PTPRN2: variants seen among roughly 807,000 people sequenced by gnomAD.
PTPRN2 encodes the protein receptor-type tyrosine-protein phosphatase N2.
A neutral mutation model predicts 118.8 loss-of-function variants in PTPRN2; 74 were observed. That is an observed-to-expected ratio of 0.62 (90% CI 0.52 to 0.76). PTPRN2 has a LOEUF of 0.76. Among genes scored for constraint, PTPRN2 ranks in the 30% least tolerant of loss-of-function variants. The pLI, the probability that PTPRN2 is intolerant of heterozygous loss-of-function variation, is 0.00. For missense variants in PTPRN2, 1,481 were observed against 1,394.4 expected, an observed-to-expected ratio of 1.06 and a Z score of -0.99; for synonymous variants, 641 against 608.0, an observed-to-expected ratio of 1.05 and a Z score of -0.80.
Position 157,632,948 on chromosome 7 carries a change from C to T in PTPRN2, c.2197-11439G>A, listed in dbSNP as rs917211099. Among the ~76,000 whole-genome samples the T allele has an allele frequency of 6.6e-6, 1 of 152,082 alleles. No individual in the cohort carries two copies. The highest frequency in any genetic ancestry group is 2.4e-5 in the African/African-American group (1 of 41,390). On this transcript the variant is annotated intron_variant, in intron 14 of 22. Coordinates refer to ENST00000389418, the MANE Select transcript of PTPRN2 (RefSeq NM_002847.5). The surrounding 1 kb of genome is among the most constrained non-coding windows in gnomAD (Gnocchi z 4.3). Reference sequence around the variant, plus strand: ...GTGAATGCCTCATCTGGTTTTGGGACAGAGGGCTAAGAGCTGCTGTCATTT... The same window carrying T: ...GTGAATGCCTCATCTGGTTTTGGGATAGAGGGCTAAGAGCTGCTGTCATTT...
At chr7:158,070,939 T>C (rs1267745596) in intron 11 of PTPRN2, among the ~76,000 whole-genome samples, 6 of 120,032 alleles carry the variant, frequency 5.0e-5, no homozygotes, top group South Asian at 6.0e-4. Context: ...CTCCTGGTGG[T>C]GGAGGTGCCC....
At chr7:157,567,284 A>G (rs1398224884) in intron 21 of PTPRN2, among the ~76,000 whole-genome samples, 3 of 152,226 alleles carry the variant, frequency 2.0e-5, no homozygotes, top group Non-Finnish European at 4.4e-5. Context: ...GAGTGTTTGC[A>G]TTTTGTTTTT....
intron 12 of PTPRN2, among the ~76,000 whole-genome samples, chr7:157,730,784 G>A (rs1041128686): frequency 2.6e-5 from 4 of 152,150 alleles, no homozygotes; most frequent in African/African-American, 9.7e-5. Context: ...TGTGGCCCCG[G>A]GGCTGCTCCC....
At chr7:158,550,524 C>T (rs1243817574) in intron 1 of PTPRN2, among the ~76,000 whole-genome samples, 2 of 152,196 alleles carry the variant, frequency 1.3e-5, no homozygotes, top group African/African-American at 2.4e-5. Flanking sequence ...TCATGGCTGG[C>T]GTGGCCACCC....
intron 12 of PTPRN2, among the ~76,000 whole-genome samples, chr7:157,790,123 TGGTGTGTGTGTGGTGGG>T (rs1804373885): frequency 7.0e-6 from 1 of 143,762 alleles, no homozygotes; most frequent in Non-Finnish European, 1.5e-5. Flanking sequence ...GGTGTGTGTG[TGGTGTGTGTGTGGTGGG>T]GGTGTGTGTG....
chr7:158,537,783 G>C, intron 1 of PTPRN2, among the ~76,000 whole-genome samples: 1 of 152,180 alleles, frequency 6.6e-6, no homozygotes, highest in East Asian at 1.9e-4. Flanking sequence ...TAGGCTAAAT[G>C]ACCCTTACAT....
intron 15 of PTPRN2, among the ~76,000 whole-genome samples, chr7:157,620,528 G>T (rs938652675): frequency 2.6e-5 from 4 of 152,218 alleles, no homozygotes; most frequent in African/African-American, 9.7e-5. Context: ...CTATGCTAAT[G>T]ACCTCGTCTA....
intron 1 of PTPRN2, among the ~76,000 whole-genome samples, chr7:158,545,914 G>C (rs920257196): frequency 3.9e-5 from 6 of 152,288 alleles, no homozygotes; most frequent in African/African-American, 1.4e-4. Context: ...CAAGAGGATC[G>C]CTTGAACCTG....
At chr7:157,574,870 A>T (rs2150521378) in intron 19 of PTPRN2, among the ~76,000 whole-genome samples, 1 of 152,364 alleles carries the variant, frequency 6.6e-6, no homozygotes, top group South Asian at 2.1e-4. Flanking sequence ...TCCAGATAAC[A>T]CATGAAAGGT....
In PTPRN2 at chr7:157,615,779, A is replaced by C; in HGVS notation, c.2344+5583T>G. 5.4e-6 allele frequency: 2 copies of C among 368,084 alleles called. No homozygotes were observed. Among genetic ancestry groups the C allele is most frequent in the Non-Finnish European group, 1.1e-5 (2 of 183,482 alleles). The allele number at this position is 368,084 out of a possible 1,614,324, so 22.8% of individuals were successfully genotyped here. The stretch of plus-strand genomic sequence containing the variant: ...CGAGAATCGGTTACAGGAGATGAAC[A>C]CAAGGCTCGATTCTCCTGTTAAACT... On this transcript the variant is annotated intron_variant, in intron 15 of 22. Transcript: ENST00000389418. This position sits in a 1 kb window ranked among gnomAD's most constrained non-coding sequence, Gnocchi z 4.3.
At position 157,627,859 on chromosome 7, in the gene PTPRN2, A is replaced by G. The variant is rs561098112; in HGVS notation, c.2197-6350T>C. Among the ~76,000 whole-genome samples the G allele has an allele frequency of 1.3e-5, 2 of 152,322 alleles. No homozygotes were observed. Among genetic ancestry groups the G allele is most frequent in the South Asian group, 4.2e-4 (2 of 4,818 alleles). On this transcript the variant is annotated intron_variant, in intron 14 of 22. Transcript: ENST00000389418. This position sits in a 1 kb window ranked among gnomAD's most constrained non-coding sequence, Gnocchi z 4.2. ...CCAGAGCACACGACATCCACACCACAGCAGCTGAAGATGTGGCTGCATTCT... is the reference window on the plus strand; with the variant it reads ...CCAGAGCACACGACATCCACACCACGGCAGCTGAAGATGTGGCTGCATTCT...
chr7:157,797,581 G>A (rs1031937628), intron 12 of PTPRN2, among the ~76,000 whole-genome samples: 2 of 152,212 alleles, frequency 1.3e-5, no homozygotes, highest in Admixed American at 6.5e-5. Flanking sequence ...AGGCCCGGAC[G>A]GGAGGCGGCC....
chr7:157,735,729 C>T (rs1264106606), intron 12 of PTPRN2, among the ~76,000 whole-genome samples: 1 of 152,176 alleles, frequency 6.6e-6, no homozygotes. Context: ...TTTAGTGACA[C>T]TCTCAGTGTT....
chr7:158,127,092 T>C (rs982617175), intron 9 of PTPRN2, among the ~76,000 whole-genome samples: 14 of 152,324 alleles, frequency 9.2e-5, no homozygotes, highest in Middle Eastern at 3.4e-3. Context: ...CTTGTTAGCA[T>C]TGAGAGGCAT....
At chr7:158,389,757 G>C (rs1164166014) in intron 2 of PTPRN2, among the ~76,000 whole-genome samples, 1 of 152,242 alleles carries the variant, frequency 6.6e-6, no homozygotes, top group African/African-American at 2.4e-5. Flanking sequence ...TCCCAGAATA[G>C]AAAATGGGCT....
At chr7:158,143,313 C>A (rs995458905) in intron 6 of PTPRN2, among the ~76,000 whole-genome samples, 3 of 152,190 alleles carry the variant, frequency 2.0e-5, no homozygotes, top group Non-Finnish European at 2.9e-5. Context: ...ACTAACAGCC[C>A]CAGAGAACTG....
At chr7:157,976,806 T>C (rs1802787244) in intron 11 of PTPRN2, among the ~76,000 whole-genome samples, 1 of 151,950 alleles carries the variant, frequency 6.6e-6, no homozygotes, top group Non-Finnish European at 1.5e-5. Flanking sequence ...CCTAAGCCCA[T>C]GTTGTCTTGT....
intron 11 of PTPRN2, among the ~76,000 whole-genome samples, chr7:157,921,808 A>C (rs950632966): frequency 6.6e-6 from 1 of 152,202 alleles, no homozygotes; most frequent in African/African-American, 2.4e-5. Context: ...CTGTCTCAGG[A>C]ATTTTATTAT....
intron 12 of PTPRN2, among the ~76,000 whole-genome samples, chr7:157,758,847 G>A (rs1006976369): frequency 2.0e-5 from 3 of 152,156 alleles, no homozygotes; most frequent in African/African-American, 7.2e-5. Flanking sequence ...TCTGCCTCCC[G>A]GATGGAGCCC....
Sources: allele counts gnomAD v4.1 joint callset (sites outside exome capture counted in the v4.1 genomes callset), GRCh38; gene constraint gnomAD v4.1.1; non-coding constraint Gnocchi (gnomAD v3.1); transcripts MANE v1.5; gene names NCBI Gene and HGNC (gene_info 2026-07-23, HGNC 2026-07-21).